TMEM135: variants seen among roughly 807,000 people sequenced by gnomAD.
TMEM135 encodes peroxisomal membrane protein 52.
Under a neutral mutation model 60.3 loss-of-function variants are expected in TMEM135, and 30 were observed. The observed-to-expected ratio is 0.50, with a 90% confidence interval of 0.37 to 0.68. The LOEUF (loss-of-function observed/expected upper bound fraction) is 0.68. Among genes scored for constraint, TMEM135 ranks in the 30% least tolerant of loss-of-function variants. The probability of loss-of-function intolerance (pLI) is 0.00; values close to 1 mark genes in which losing one functional copy is unlikely to be tolerated. For missense variants in TMEM135, 468 were observed against 548.8 expected (o/e 0.85, Z 1.47); for synonymous variants, 190 against 186.7 (o/e 1.02, Z -0.14).
At chr11:87,242,098 G>T (rs9735351) in intron 6 of TMEM135, among the ~76,000 whole-genome samples, 2 of 150,660 alleles carry the variant, frequency 1.3e-5, no homozygotes, top group African/African-American at 2.4e-5. Context: ...GAGAACATGC[G>T]GTGTTTGGTT....
chr11:87,078,398 C>T (rs1236882200), intron 3 of TMEM135, among the ~76,000 whole-genome samples: 8 of 152,066 alleles, frequency 5.3e-5, no homozygotes, highest in African/African-American at 9.7e-5. Flanking sequence ...TATTCAAATC[C>T]TTTGCCCATG....
chr11:87,281,379 T>A (rs1223252530), intron 6 of TMEM135, among the ~76,000 whole-genome samples: 3 of 152,214 alleles, frequency 2.0e-5, no homozygotes, highest in Non-Finnish European at 4.4e-5. Context: ...TGGGGACACA[T>A]GCAGACAAAC....
At chr11:87,249,684 T>G (rs1490213659) in intron 6 of TMEM135, among the ~76,000 whole-genome samples, 1 of 152,174 alleles carries the variant, frequency 6.6e-6, no homozygotes, top group African/African-American at 2.4e-5. Flanking sequence ...TCATGATGAA[T>G]TATCTTTTTA....
At chr11:87,054,873 G>A (rs1023551250) in intron 1 of TMEM135, among the ~76,000 whole-genome samples, 2 of 152,086 alleles carry the variant, frequency 1.3e-5, no homozygotes, top group Non-Finnish European at 2.9e-5. Flanking sequence ...CCAAATTTCT[G>A]TGTGCCCCTG....
chr11:87,049,666 C>G (rs1304469413), intron 1 of TMEM135, among the ~76,000 whole-genome samples: 1 of 102,092 alleles, frequency 9.8e-6, no homozygotes, highest in Non-Finnish European at 2.0e-5. Context: ...ATTCATAAAG[C>G]AAGTCCTGAG....
intron 6 of TMEM135, among the ~76,000 whole-genome samples, chr11:87,249,408 C>T (rs1175292172): frequency 1.3e-5 from 2 of 151,810 alleles, no homozygotes; most frequent in African/African-American, 4.8e-5. Context: ...TTTATCTTTT[C>T]AAAAAAACCA....
chr11:87,230,322 T>C (rs758893483), intron 5 of TMEM135, among the ~76,000 whole-genome samples: 1 of 152,138 alleles, frequency 6.6e-6, no homozygotes, highest in Non-Finnish European at 1.5e-5. Context: ...TTTAAAACTT[T>C]TTTTAAAAAA....
At chr11:87,113,029 A>G (rs1050392134) in intron 4 of TMEM135, among the ~76,000 whole-genome samples, 3 of 152,106 alleles carry the variant, frequency 2.0e-5, no homozygotes, top group East Asian at 1.9e-4. Flanking sequence ...GAGCTGTACA[A>G]TGAAGAAATT....
At chr11:87,063,178 A>C (rs1021837572) in intron 1 of TMEM135, among the ~76,000 whole-genome samples, 10 of 152,218 alleles carry the variant, frequency 6.6e-5, no homozygotes, top group African/African-American at 2.4e-4. Context: ...TGTTCATTAC[A>C]AATTATTTTT....
chr11:87,261,610 A>G (rs533737652), intron 6 of TMEM135, among the ~76,000 whole-genome samples: 86 of 152,208 alleles, frequency 5.7e-4, no homozygotes, highest in African/African-American at 2.0e-3. Context: ...AAACCATCTT[A>G]ACAGTTTGCA....
Position 87,251,152 on chromosome 11 carries a change from G to A in TMEM135, c.509+14468G>A, listed in dbSNP as rs551492979. Among the ~76,000 whole-genome samples the A allele has an allele frequency of 3.3e-5, 5 of 152,178 alleles. No individual in the cohort carries two copies. In the East Asian group the frequency reaches 9.6e-4, roughly 29 times the overall value. ...TAGAGAAATAATGGGTAACAGTTGG[G>A]TATTCAGAGCTCAGGTGATAAATCT... On this transcript the variant is annotated intron_variant, in intron 6 of 14. Transcript: ENST00000305494.
intron 9 of TMEM135, among the ~76,000 whole-genome samples, chr11:87,307,120 C>T (rs1391010291): frequency 6.6e-6 from 1 of 152,054 alleles, no homozygotes; most frequent in African/African-American, 2.4e-5. Flanking sequence ...ATGAGAAGAA[C>T]AGAGTTGTGC....
At chr11:87,310,857 G>T (rs2135448799) in intron 10 of TMEM135, among the ~76,000 whole-genome samples, 1 of 152,002 alleles carries the variant, frequency 6.6e-6, no homozygotes, top group Middle Eastern at 3.4e-3. Context: ...AAAGATATGT[G>T]TTTTGAGCAC....
intron 5 of TMEM135, among the ~76,000 whole-genome samples, chr11:87,182,367 A>G (rs1278875999): frequency 6.6e-6 from 1 of 152,146 alleles, no homozygotes; most frequent in African/African-American, 2.4e-5. Flanking sequence ...TTCTTCATCT[A>G]TTACAGGTTG....
intron 1 of TMEM135, among the ~76,000 whole-genome samples, chr11:87,058,097 T>C (rs1209967648): frequency 6.6e-6 from 1 of 152,174 alleles, no homozygotes; most frequent in Non-Finnish European, 1.5e-5. Flanking sequence ...TGTTTTGTTC[T>C]CTTCAGGTCT....
intron 6 of TMEM135, among the ~76,000 whole-genome samples, chr11:87,252,487 A>T (rs1941436941): frequency 6.6e-6 from 1 of 152,188 alleles, no homozygotes; most frequent in Non-Finnish European, 1.5e-5. Flanking sequence ...AAAAATAGAC[A>T]TGGAGCCGGG....
chr11:87,304,090 G>C (rs1942493175), intron 8 of TMEM135, among the ~76,000 whole-genome samples: 1 of 152,160 alleles, frequency 6.6e-6, no homozygotes, highest in African/African-American at 2.4e-5. Context: ...GAAAATTTAG[G>C]CCAGGCATGG....
At chr11:87,159,412 C>T (rs181873808) in intron 5 of TMEM135, among the ~76,000 whole-genome samples, 229 of 152,142 alleles carry the variant, frequency 1.5e-3, no homozygotes, top group African/African-American at 5.4e-3. Flanking sequence ...GGAAATTTGT[C>T]TGTGGTATGT....
At position 87,325,122 on chromosome 11, in the gene TMEM135, G is replaced by T. The variant is rs763996527; in HGVS notation, c.*3789G>T. 4.4e-6 allele frequency: 2 copies of T among 452,754 alleles called. No individual in the cohort carries two copies. The highest frequency in any genetic ancestry group is 7.0e-5 in the East Asian group (1 of 14,280). The allele number at this position is 452,754 out of a possible 1,614,324, so 28.0% of individuals were successfully genotyped here. ...AACAAAGAAAGGAGTGTCAAGGACT[G>T]AGATGACCCTCAGATTGGGGGGCTG... On this transcript the variant is annotated 3_prime_UTR_variant, in exon 15 of 15. Transcript: ENST00000305494.
Sources: allele counts gnomAD v4.1 joint callset (sites outside exome capture counted in the v4.1 genomes callset), GRCh38; gene constraint gnomAD v4.1.1; transcripts MANE v1.5; gene names NCBI Gene and HGNC (gene_info 2026-07-23, HGNC 2026-07-21).